Variants in PFKP observed in about 807,000 individuals in gnomAD.
PFKP encodes the protein phosphofructokinase, platelet.
PFKP carries 101 observed loss-of-function variants against 94.3 expected under a neutral mutation model. The ratio of observed to expected loss-of-function variants is 1.07; its 90% CI spans 0.91 to 1.26. PFKP has a LOEUF of 1.26. Ranked by LOEUF, PFKP falls within the 50% of genes most tolerant of loss-of-function variation. PFKP has a pLI of 0.00. For synonymous variants in PFKP, 573 were observed against 432.6 expected (o/e 1.32, Z -4.03); for missense variants, 1,145 against 1,103.3 (o/e 1.04, Z -0.53).
intron 1 of PFKP, among the ~76,000 whole-genome samples, chr10:3,077,725 G>T (rs1044088988): frequency 2.0e-5 from 3 of 152,184 alleles, no homozygotes; most frequent in African/African-American, 7.2e-5. Context: ...GGCCAAGGAT[G>T]ACTCTGACTC....
chr10:3,124,186 G>C (rs1173023618), intron 16 of PFKP, among the ~76,000 whole-genome samples: 1 of 152,162 alleles, frequency 6.6e-6, no homozygotes, highest in Non-Finnish European at 1.5e-5. Flanking sequence ...GCCGCCCTGT[G>C]TCCCACCAGT....
In PFKP at chr10:3,136,536, C is replaced by T. The variant is rs757150470; in HGVS notation, c.2312C>T (p.Ser771Leu). The T allele has an allele frequency of 3.1e-6, 5 of 1,613,576 alleles. No individual in the cohort carries two copies. The highest frequency in any genetic ancestry group is 1.7e-5 in the Admixed American group (1 of 59,978). The change falls in exon 22 of 22, where the codon TCG (serine) becomes TTG (leucine). Residue 771 changes from serine (S) to leucine (L), a missense_variant. Around this residue, in one of 3 missense-constraint regions of PFKP, gnomAD observed 20 missense variants for 19.6 expected, o/e 1.02. Transcript: ENST00000381125. ...LAKYKASYDV[S>L]DSGQLEHVQP... is the part of the protein sequence containing the mutation. ...AAGTACAAGGCCAGCTATGACGTGT[C>T]GGACTCAGGCCAGCTGGAACATGTG...
intron 17 of PFKP, 76 bp downstream of exon 17, chr10:3,130,059 G>A: frequency 2.2e-6 from 3 of 1,392,592 alleles, no homozygotes; most frequent in Non-Finnish European, 2.9e-6. Context: ...ATCGTGTCTA[G>A]GGTGGTTTGC....
rs1836468995 is a variant in PFKP, at chr10:3,113,483, A to G, written c.1336A>G (p.Ile446Val). Residue 446 changes from isoleucine to valine, a missense_variant, in exon 13 of 22, where the codon ATC becomes GTC. Physicochemically the swap from Ile to Val is conservative, Grantham distance 29 (BLOSUM62 3). Around this residue, in one of 3 missense-constraint regions of PFKP, gnomAD observed 1,119 missense variants for 1,062.8 expected, o/e 1.05. Coordinates refer to ENST00000381125, the MANE Select transcript of PFKP (RefSeq NM_002627.5). Reference sequence around the variant, plus strand: ...TGCCGACGGCCACAGGATGCTCGCCATCTATGATGGCTTTGACGGCTTCGC... The same window carrying G: ...TGCCGACGGCCACAGGATGCTCGCCGTCTATGATGGCTTTGACGGCTTCGC... Reference protein sequence around the residue: ...GIADGHRMLAIYDGFDGFAKG... With the variant: ...GIADGHRMLAVYDGFDGFAKG... 3 of 1,613,318 alleles carry G rather than the reference A, an allele frequency of 1.9e-6. No individual in the cohort carries two copies. Among genetic ancestry groups the G allele is most frequent in the African/African-American group, 1.3e-5 (1 of 75,072 alleles).
At chr10:3,124,482 C>T (rs1489599452) in intron 16 of PFKP, among the ~76,000 whole-genome samples, 4 of 152,354 alleles carry the variant, frequency 2.6e-5, no homozygotes, top group African/African-American at 7.2e-5. Flanking sequence ...GGTTCTTGCT[C>T]GCCTGTGCGG....
chr10:3,103,123 C>T (rs761704286), intron 4 of PFKP, among the ~76,000 whole-genome samples: 13 of 152,180 alleles, frequency 8.5e-5, no homozygotes, highest in Non-Finnish European at 1.6e-4. Context: ...TTCTTAATTC[C>T]GTAATTGTAA....
chr10:3,070,270 C>T (rs1423709853), intron 1 of PFKP: 1 of 152,284 alleles, frequency 6.6e-6, no homozygotes, highest in Non-Finnish European at 1.5e-5. Flanking sequence ...TCCAGATGTA[C>T]TCAGAGGGCC....
At chr10:3,122,770 A>T (rs902706667) in intron 16 of PFKP, among the ~76,000 whole-genome samples, 7 of 152,058 alleles carry the variant, frequency 4.6e-5, no homozygotes, top group African/African-American at 1.7e-4. Flanking sequence ...TTGTTCAGAA[A>T]ATTTGGTGAT....
intron 1 of PFKP, 41 bp from the exon 2 acceptor site, chr10:3,082,347 C>T (rs766702763): frequency 6.6e-6 from 10 of 1,510,144 alleles, no homozygotes; most frequent in Non-Finnish European, 9.1e-6. Context: ...CCAGAATTAC[C>T]CCGGGCTCTT....
At chr10:3,121,793 CT>C (rs140725084) in intron 16 of PFKP, among the ~76,000 whole-genome samples, 1 of 96,878 alleles carries the variant, frequency 1.0e-5, no homozygotes, top group African/African-American at 4.2e-5. Context: ...TAAACAATTT[CT>C]TTTTTTTTCT....
At chr10:3,111,110 ATG>A (rs1376336770) in intron 10 of PFKP, among the ~76,000 whole-genome samples, 2 of 150,092 alleles carry the variant, frequency 1.3e-5, no homozygotes, top group Admixed American at 6.7e-5. Flanking sequence ...GCTTATATGC[ATG>A]TGTGAGCATG....
chr10:3,113,526 A>G lies in PFKP; in HGVS notation c.1371+8A>G. 6.2e-7 allele frequency: 1 copy of G among 1,611,004 alleles called. No homozygotes were observed. Among genetic ancestry groups the G allele is most frequent in the Non-Finnish European group, 8.5e-7 (1 of 1,179,678 alleles). The stretch of plus-strand genomic sequence containing the variant: ...GGCTTCGCCAAGGGCCAGGTGAGTC[A>G]CCCAGGATGCCGTAGGCAGGCAGAC... On this transcript the variant is annotated splice_region_variant and intron_variant, in intron 13 of 21. Transcript: ENST00000381125.
chr10:3,082,420 AT>A lies in PFKP; in HGVS notation c.146del (p.Met49ArgfsTer60). The A allele has an allele frequency of 6.2e-7, 1 of 1,608,496 alleles. No individual in the cohort carries two copies. Among genetic ancestry groups the A allele is most frequent in the Non-Finnish European group, 8.5e-7 (1 of 1,176,402 alleles). On this transcript the variant is annotated frameshift_variant, in exon 2 of 22. Transcript: ENST00000381125. LOFTEE classifies it high-confidence loss of function. ...CGCTGCCGTCCGTGCCGTGGTGCGC[AT>A]GGGTATCTACGTGGGGGCCAAGGTG... ...MNAAVRAVVR[M>X]GIYVGAKVYF...
rs1014154320 is a variant in PFKP at position 3,109,256 on chromosome 10, C to T, written c.964-99C>T. 2.0e-6 allele frequency: 3 copies of T among 1,499,758 alleles called. No individual in the cohort carries two copies. In the African/African-American group the frequency reaches 4.1e-5, roughly 21 times the overall value. The allele number at this position is 1,499,758 out of a possible 1,614,324, so 92.9% of individuals were successfully genotyped here. A position where few individuals can be genotyped will look rare whatever the true frequency, so the allele number is the denominator to read the frequency against. ...GGCTGGAAGCGGGAGGGGCTGTGAG[C>T]ACCTGACTGAGGTCATTGGACGTCA... is the stretch of plus-strand genomic sequence containing the variant. On this transcript the variant is annotated intron_variant, in intron 9 of 21. Transcript: ENST00000381125.
At chr10:3,100,510 C>CA (rs1158805844) in intron 3 of PFKP, among the ~76,000 whole-genome samples, 1 of 151,990 alleles carries the variant, frequency 6.6e-6, no homozygotes, top group Non-Finnish European at 1.5e-5. Context: ...GTGCGTGCAC[C>CA]ATTGGTGTAT....
At chr10:3,068,573 C>G in intron 1 of PFKP, 1 of 684,626 alleles carries the variant, frequency 1.5e-6, no homozygotes, top group Non-Finnish European at 1.8e-6. Context: ...GTGGAAGCTG[C>G]TCTCTAGGAG....
intron 16 of PFKP, chr10:3,124,954 T>G: frequency 1.8e-6 from 1 of 550,554 alleles, no homozygotes; most frequent in Non-Finnish European, 2.5e-6. Context: ...CTCCAGAGCC[T>G]CCCTCGGCCC....
At chr10:3,107,537 G>A (rs1041883250) in intron 8 of PFKP, among the ~76,000 whole-genome samples, 1 of 152,204 alleles carries the variant, frequency 6.6e-6, no homozygotes, top group African/African-American at 2.4e-5. Context: ...TAGAGGTTCC[G>A]GGACTCCCCA....
chr10:3,090,463 C>G (rs989507816), intron 2 of PFKP, among the ~76,000 whole-genome samples: 1 of 152,196 alleles, frequency 6.6e-6, no homozygotes, highest in Non-Finnish European at 1.5e-5. Flanking sequence ...ACGCGCATGC[C>G]TTTGACTCCA....
Sources: gnomAD v4.1 joint callset for allele counts (sites outside exome capture counted in the v4.1 genomes callset) on GRCh38, gnomAD v4.1.1 for gene constraint, gnomAD v4.1.1 regional missense constraint, MANE v1.5 for transcripts, NCBI Gene and HGNC (gene_info 2026-07-23, HGNC 2026-07-21) for gene names.